Variants in KIRREL3 observed in about 807,000 individuals in gnomAD.
KIRREL3 encodes kirre like nephrin family adhesion molecule 3.
In KIRREL3, 36 loss-of-function variants were observed where a neutral mutation model predicts 89.7. The ratio of observed to expected loss-of-function variants is 0.40; its 90% CI spans 0.31 to 0.53. The LOEUF (loss-of-function observed/expected upper bound fraction) is 0.53. KIRREL3 is among the 20% of genes least tolerant of loss of function. The pLI, the probability that KIRREL3 is intolerant of heterozygous loss-of-function variation, is 0.49. For synonymous variants in KIRREL3, 445 were observed against 441.4 expected (o/e 1.01, Z -0.10); for missense variants, 864 against 1,056.6 (o/e 0.82, Z 2.53).
intron 1 of KIRREL3, among the ~76,000 whole-genome samples, chr11:126,573,022 C>A (rs1373572462): frequency 6.6e-6 from 1 of 152,138 alleles, no homozygotes. Context: ...GAGAGAAGAA[C>A]AAAATGTCCT....
chr11:126,730,159 A>T (rs1050378418), intron 1 of KIRREL3, among the ~76,000 whole-genome samples: 5 of 152,148 alleles, frequency 3.3e-5, no homozygotes, highest in African/African-American at 9.7e-5. Flanking sequence ...ACTCCCAGAG[A>T]CATTTACATC....
rs1424895612 is a variant in KIRREL3 at position 126,526,735 on chromosome 11, G to A, written c.134-48C>T. ...GGTCAGTTATCTGCCGGCTACAGGG[G>A]CGAGAAGGCTCCCCTCCAGCTATGG... is the stretch of plus-strand genomic sequence containing the variant. On this transcript the variant is annotated intron_variant, in intron 2 of 16. Transcript: ENST00000525144. The surrounding 1 kb of genome is among the most constrained non-coding windows in gnomAD (Gnocchi z 5.7). 1.4e-5 allele frequency: 21 copies of A among 1,530,030 alleles called. No homozygotes were observed. The South Asian group carries it at 1.9e-4, about 14-fold the overall frequency. The allele number at this position is 1,530,030 out of a possible 1,614,324, so 94.8% of individuals were successfully genotyped here.
intron 1 of KIRREL3, among the ~76,000 whole-genome samples, chr11:126,921,747 T>TCTA (rs1947317255): frequency 1.5e-5 from 2 of 134,904 alleles, no homozygotes; most frequent in African/African-American, 5.5e-5. Flanking sequence ...TATATCTGTC[T>TCTA]TCTATCTATC....
At chr11:126,532,011 C>A (rs74808677) in intron 2 of KIRREL3, among the ~76,000 whole-genome samples, 3,570 of 152,304 alleles carry the variant, frequency 0.023, 147 homozygotes, top group African/African-American at 0.079. Context: ...TGAGAAATCA[C>A]AGGGTGGGCT....
At chr11:126,437,294 G>A (rs147413855) in intron 11 of KIRREL3, among the ~76,000 whole-genome samples, 67 of 152,102 alleles carry the variant, frequency 4.4e-4, no homozygotes, top group Non-Finnish European at 7.4e-4. Flanking sequence ...CACATCACAC[G>A]TCTATACACA....
chr11:126,451,681 C>T (rs921838090), intron 7 of KIRREL3, among the ~76,000 whole-genome samples: 3 of 145,186 alleles, frequency 2.1e-5, no homozygotes, highest in South Asian at 2.2e-4. Context: ...TGCATATGTG[C>T]GTGTGTGTGC....
intron 1 of KIRREL3, among the ~76,000 whole-genome samples, chr11:126,885,417 G>A (rs71477947): frequency 0.01 from 1,586 of 152,256 alleles, 18 homozygotes; most frequent in Non-Finnish European, 0.016. Context: ...AAATTTTCAG[G>A]CGTATGTTTA....
chr11:126,689,358 GAC>G lies in KIRREL3; in HGVS notation c.56-126448_56-126447del, dbSNP rs1946793223. 2.0e-5 allele frequency among the ~76,000 whole-genome samples: 3 copies of G among 152,326 alleles called. 1 individual carries two copies. Among genetic ancestry groups the G allele is most frequent in the South Asian group, 4.1e-4 (2 of 4,828 alleles). On this transcript the variant is annotated intron_variant, in intron 1 of 16. Coordinates refer to ENST00000525144, the MANE Select transcript of KIRREL3 (RefSeq NM_032531.4). The surrounding 1 kb of genome is among the most constrained non-coding windows in gnomAD (Gnocchi z 5.2). ...GCTGACCAGGCCATGGAGCTGCCCA[GAC>G]CCCCTGGGAGCCCAGAGTCCCCATC...
chr11:126,879,120 A>C lies in KIRREL3; in HGVS notation c.55+121335T>G, dbSNP rs1945401752. ...ATCTTTCTTCCCATCACTGACAGCA[A>C]AGGGAGGAAATAGTCTGAGTCCAGC... On this transcript the variant is annotated intron_variant, in intron 1 of 16. Transcript: ENST00000525144. The surrounding 1 kb of genome is among the most constrained non-coding windows in gnomAD (Gnocchi z 5.4). 6.6e-6 allele frequency among the ~76,000 whole-genome samples: 1 copy of C among 152,212 alleles called. No homozygotes were observed. The highest frequency in any genetic ancestry group is 2.1e-4 in the South Asian group (1 of 4,826).
chr11:126,824,753 C>T (rs1324493175), intron 1 of KIRREL3, among the ~76,000 whole-genome samples: 1 of 152,180 alleles, frequency 6.6e-6, no homozygotes, highest in Non-Finnish European at 1.5e-5. Context: ...AGTAAATCTG[C>T]ATTTTTACCT....
chr11:126,424,412 G>A lies in KIRREL3; in HGVS notation c.*168C>T. The A allele has an allele frequency of 2.3e-6, 1 of 428,494 alleles. No individual in the cohort carries two copies. 26.5% of individuals were successfully genotyped at this position (428,494 alleles called of 1,614,324 possible). Reference sequence around the variant, plus strand: ...CTGGCACACAGCACCTGGGGACCCAGATTTGTGCTTGATCAGAGCTTCGAA... The same window carrying A: ...CTGGCACACAGCACCTGGGGACCCAAATTTGTGCTTGATCAGAGCTTCGAA... On this transcript the variant is annotated 3_prime_UTR_variant, in exon 17 of 17. Coordinates refer to ENST00000525144, the MANE Select transcript of KIRREL3 (RefSeq NM_032531.4).
At chr11:126,930,672 A>G (rs79337661) in intron 1 of KIRREL3, among the ~76,000 whole-genome samples, 4,044 of 152,264 alleles carry the variant, frequency 0.027, 179 homozygotes, top group African/African-American at 0.093. Context: ...TACCACCTCA[A>G]TCCAAGCCAC....
chr11:126,712,000 G>C (rs1282075652), intron 1 of KIRREL3, among the ~76,000 whole-genome samples: 1 of 152,222 alleles, frequency 6.6e-6, no homozygotes, highest in African/African-American at 2.4e-5. Flanking sequence ...CAGTGGCGCT[G>C]AACTACTGTT....
At position 126,764,949 on chromosome 11, in the gene KIRREL3, T is replaced by C. The variant is rs1220225752; in HGVS notation, c.56-202037A>G. 2.6e-5 allele frequency among the ~76,000 whole-genome samples: 4 copies of C among 152,172 alleles called. No individual in the cohort carries two copies. Among genetic ancestry groups the C allele is most frequent in the Non-Finnish European group, 5.9e-5 (4 of 68,036 alleles). On this transcript the variant is annotated intron_variant, in intron 1 of 16. Coordinates refer to ENST00000525144, the MANE Select transcript of KIRREL3 (RefSeq NM_032531.4). This position sits in a 1 kb window ranked among gnomAD's most constrained non-coding sequence, Gnocchi z 4.2. The stretch of plus-strand genomic sequence containing the variant: ...AGCTCTGGTTTTTCAAGTGCAAGGG[T>C]TATTTGCTATATTTTGGAAACTTTT...
chr11:126,499,816 T>G (rs1003363969), intron 4 of KIRREL3, among the ~76,000 whole-genome samples: 6 of 152,250 alleles, frequency 3.9e-5, no homozygotes, highest in Admixed American at 1.3e-4. Context: ...TGAGTTGAAA[T>G]GAACACTTCC....
At position 126,623,411 on chromosome 11, in the gene KIRREL3, C is replaced by G. The variant is rs535027901; in HGVS notation, c.56-60499G>C. Reference sequence around the variant, plus strand: ...CACCCCTCTAATGTGCTCTTCTCAGCTTGTTGCTCCTTCACTGTAAGTCCA... The same window carrying G: ...CACCCCTCTAATGTGCTCTTCTCAGGTTGTTGCTCCTTCACTGTAAGTCCA... On this transcript the variant is annotated intron_variant, in intron 1 of 16. Transcript: ENST00000525144. The surrounding 1 kb of genome is among the most constrained non-coding windows in gnomAD (Gnocchi z 4.1). Among the ~76,000 whole-genome samples the G allele has an allele frequency of 6.6e-6, 1 of 152,248 alleles. No homozygotes were observed. The highest frequency in any genetic ancestry group is 1.9e-4 in the East Asian group (1 of 5,172).
chr11:126,630,944 A>G (rs993981410), intron 1 of KIRREL3, among the ~76,000 whole-genome samples: 7 of 152,140 alleles, frequency 4.6e-5, no homozygotes, highest in African/African-American at 1.7e-4. Flanking sequence ...CTCCTGACCA[A>G]CTAGGAGACA....
chr11:126,770,533 G>A (rs1374427632), intron 1 of KIRREL3, among the ~76,000 whole-genome samples: 2 of 152,206 alleles, frequency 1.3e-5, no homozygotes, highest in Non-Finnish European at 2.9e-5. Context: ...ATGCCTTGAT[G>A]GTTGTAAAAC....
chr11:126,546,423 A>G (rs1389759221), intron 2 of KIRREL3, among the ~76,000 whole-genome samples: 1 of 152,206 alleles, frequency 6.6e-6, no homozygotes, highest in Non-Finnish European at 1.5e-5. Context: ...CTGTGCTGGG[A>G]GACTGACCTC....
Sources: gnomAD v4.1 joint callset for allele counts (sites outside exome capture counted in the v4.1 genomes callset) on GRCh38, gnomAD v4.1.1 for gene constraint, Gnocchi (gnomAD v3.1) non-coding constraint, MANE v1.5 for transcripts, NCBI Gene and HGNC (gene_info 2026-07-23, HGNC 2026-07-21) for gene names.